Variants in CDC14A observed in about 807,000 individuals in gnomAD.
CDC14A encodes cell division cycle 14A.
In CDC14A, 53 loss-of-function variants were observed where a neutral mutation model predicts 74.4. That is an observed-to-expected ratio of 0.71 (90% CI 0.57 to 0.89). The LOEUF (loss-of-function observed/expected upper bound fraction) is 0.89. Ranked by LOEUF, CDC14A falls within the 40% of genes least tolerant of loss-of-function variation. The probability of loss-of-function intolerance (pLI) is 0.00; values close to 1 mark genes in which losing one functional copy is unlikely to be tolerated. For missense variants in CDC14A, 646 were observed against 713.7 expected (o/e 0.91, Z 1.08); for synonymous variants, 247 against 258.4 (o/e 0.96, Z 0.43).
chr1:100,351,207 A>G (rs1407490434), upstream of CDC14A, among the ~76,000 whole-genome samples: 10 of 145,262 alleles, frequency 6.9e-5, no homozygotes, highest in East Asian at 1.9e-3. Flanking sequence ...CAAAACACAC[A>G]TTAAAAAAAA....
At chr1:100,466,871 CA>C (rs11382441) in intron 9 of CDC14A, among the ~76,000 whole-genome samples, 2,801 of 87,266 alleles carry the variant, frequency 0.032, 63 homozygotes, top group African/African-American at 0.12. Flanking sequence ...ACTCGGTCTC[CA>C]AAAAAAAAAA....
intron 15 of CDC14A, among the ~76,000 whole-genome samples, chr1:100,515,619 A>AGAT (rs1210943714): frequency 1.3e-5 from 2 of 152,162 alleles, no homozygotes; most frequent in African/African-American, 4.8e-5. Flanking sequence ...TCCTAACCTC[A>AGAT]GATGATCCAC....
intron 3 of CDC14A, among the ~76,000 whole-genome samples, chr1:100,386,044 G>A (rs1656813772): frequency 6.6e-6 from 1 of 152,020 alleles, no homozygotes; most frequent in Non-Finnish European, 1.5e-5. Flanking sequence ...TCACCTGCCT[G>A]TAGTCCCAGC....
intron 4 of CDC14A, among the ~76,000 whole-genome samples, chr1:100,398,068 A>G (rs1036641068): frequency 3.3e-5 from 5 of 152,188 alleles, no homozygotes; most frequent in African/African-American, 1.2e-4. Flanking sequence ...GCCCTGAGCA[A>G]GTTAACTTAT....
At chr1:100,382,390 ATTTT>A (rs59014809) in intron 3 of CDC14A, among the ~76,000 whole-genome samples, 2,004 of 115,268 alleles carry the variant, frequency 0.017, 54 homozygotes, top group African/African-American at 0.061. Flanking sequence ...CCAGCTAACT[ATTTT>A]TTTTTTTTTT....
intron 10 of CDC14A, among the ~76,000 whole-genome samples, chr1:100,476,945 G>C (rs918850498): frequency 6.6e-6 from 1 of 152,280 alleles, no homozygotes; most frequent in South Asian, 2.1e-4. Flanking sequence ...TTAGAAGAGG[G>C]ACCCAGGGGG....
intron 4 of CDC14A, among the ~76,000 whole-genome samples, chr1:100,420,067 T>C (rs375220621): frequency 1.9e-4 from 20 of 102,948 alleles, no homozygotes; most frequent in Non-Finnish European, 3.4e-4. Context: ...CACACACATA[T>C]ATATATATAT....
intron 2 of CDC14A, among the ~76,000 whole-genome samples, chr1:100,370,579 A>G (rs779203616): frequency 3.9e-5 from 6 of 152,172 alleles, no homozygotes; most frequent in Admixed American, 1.3e-4. Flanking sequence ...TCCTTTCCCT[A>G]GTGCTATTTC....
intron 4 of CDC14A, among the ~76,000 whole-genome samples, chr1:100,411,817 G>C (rs1295139833): frequency 6.6e-6 from 1 of 152,142 alleles, no homozygotes; most frequent in Non-Finnish European, 1.5e-5. Context: ...GATTTTGCTG[G>C]GAGAAACAAA....
chr1:100,424,344 G>T (rs779616788), intron 5 of CDC14A, 43 bp downstream of exon 5: 1 of 1,367,162 alleles, frequency 7.3e-7, no homozygotes, highest in Non-Finnish European at 1.0e-6. Context: ...TTGCTACAGA[G>T]CTGGACACTT....
chr1:100,405,156 C>G (rs1659780602), intron 4 of CDC14A, among the ~76,000 whole-genome samples: 1 of 152,108 alleles, frequency 6.6e-6, no homozygotes, highest in South Asian at 2.1e-4. Context: ...ATGTTTTCTC[C>G]CTAGTTTTTC....
intron 7 of CDC14A, among the ~76,000 whole-genome samples, chr1:100,448,135 A>C (rs1665758341): frequency 6.6e-6 from 1 of 152,192 alleles, no homozygotes; most frequent in Admixed American, 6.5e-5. Context: ...TTATTACCCC[A>C]TTCAAAATTC....
intron 3 of CDC14A, among the ~76,000 whole-genome samples, chr1:100,389,460 A>T (rs1034486679): frequency 4.1e-4 from 52 of 125,544 alleles, no homozygotes; most frequent in African/African-American, 2.4e-3. Context: ...TCAAAAAAAA[A>T]AAATATATAT....
chr1:100,474,892 A>G lies in CDC14A; in HGVS notation c.977+6798A>G, dbSNP rs1395544534. On this transcript the variant is annotated intron_variant, in intron 10 of 15. Coordinates refer to ENST00000336454, the MANE Select transcript of CDC14A (RefSeq NM_003672.4). ...GGCAATGTGTCTAGGTGTGGATTTC[A>G]TTGGAATTATCCTTTTTTGAGGTTT... Among the ~76,000 whole-genome samples the G allele has an allele frequency of 3.3e-5, 5 of 151,810 alleles. No homozygotes were observed. The East Asian group carries it at 9.6e-4, about 29-fold the overall frequency.
At chr1:100,495,029 G>T in intron 12 of CDC14A, 99 bp downstream of exon 12, 2 of 652,518 alleles carry the variant, frequency 3.1e-6, no homozygotes, top group Admixed American at 5.9e-5. Context: ...TTTGAATTTT[G>T]TTCTACAAAT....
chr1:100,460,334 A>G (rs531602969), intron 8 of CDC14A, among the ~76,000 whole-genome samples: 1 of 152,306 alleles, frequency 6.6e-6, no homozygotes, highest in African/African-American at 2.4e-5. Flanking sequence ...CCATTTACTC[A>G]TGATGGAAAT....
chr1:100,429,334 G>A (rs1663354996), intron 5 of CDC14A, among the ~76,000 whole-genome samples: 1 of 151,926 alleles, frequency 6.6e-6, no homozygotes, highest in African/African-American at 2.4e-5. Flanking sequence ...CAGAGAGCAT[G>A]GCATGAAAAA....
chr1:100,440,837 G>A (rs568186153), intron 6 of CDC14A, among the ~76,000 whole-genome samples: 2 of 152,180 alleles, frequency 1.3e-5, no homozygotes, highest in South Asian at 4.2e-4. Flanking sequence ...TTTATACATG[G>A]TTGTTTCTAT....
In CDC14A at chr1:100,417,070, T is replaced by A. The variant is rs986466338; in HGVS notation, c.310-7152T>A. On this transcript the variant is annotated intron_variant, in intron 4 of 15. Coordinates refer to ENST00000336454, the MANE Select transcript of CDC14A (RefSeq NM_003672.4). ...TTACAGCCTACTTGGGGAGACAGGCTCAATCAAATAACCACAGAAACAAAC... is the reference window on the plus strand; with the variant it reads ...TTACAGCCTACTTGGGGAGACAGGCACAATCAAATAACCACAGAAACAAAC... 5.9e-5 allele frequency among the ~76,000 whole-genome samples: 9 copies of A among 152,152 alleles called. 1 individual carries two copies. Among genetic ancestry groups the A allele is most frequent in the Non-Finnish European group, 1.0e-4 (7 of 68,044 alleles).
Sources: gnomAD v4.1 joint callset for allele counts (sites outside exome capture counted in the v4.1 genomes callset) on GRCh38, gnomAD v4.1.1 for gene constraint, MANE v1.5 for transcripts, NCBI Gene and HGNC (gene_info 2026-07-23, HGNC 2026-07-21) for gene names.